ROBO1: variants seen among roughly 807,000 people sequenced by gnomAD.
ROBO1 encodes roundabout homolog 1.
In ROBO1, 149 loss-of-function variants were observed where a neutral mutation model predicts 195.9. The observed-to-expected ratio is 0.76, with a 90% CI of 0.67 to 0.87. The LOEUF (loss-of-function observed/expected upper bound fraction) is 0.87. Ranked by LOEUF, ROBO1 falls within the 40% of genes least tolerant of loss-of-function variation. The probability of loss-of-function intolerance (pLI) is 0.00; values close to 1 mark genes in which losing one functional copy is unlikely to be tolerated. For missense variants in ROBO1, 1,933 were observed against 2,068.3 expected, an observed-to-expected ratio of 0.93 and a Z score of 1.27; for synonymous variants, 816 against 733.2, an observed-to-expected ratio of 1.11 and a Z score of -1.82.
chr3:79,686,840 C>G (rs1191787149), intron 1 of ROBO1, among the ~76,000 whole-genome samples: 1 of 152,162 alleles, frequency 6.6e-6, no homozygotes, highest in Non-Finnish European at 1.5e-5. Context: ...CTACCAATAA[C>G]TTTCTTCACA....
chr3:79,251,659 G>A (rs2082732121), intron 2 of ROBO1, among the ~76,000 whole-genome samples: 1 of 152,106 alleles, frequency 6.6e-6, no homozygotes, highest in Non-Finnish European at 1.5e-5. Context: ...GCTGAGGCAG[G>A]AGAATCCCTT....
chr3:79,621,246 G>T (rs10865577), intron 1 of ROBO1, among the ~76,000 whole-genome samples: 86,749 of 151,884 alleles, frequency 0.57, 26,241 homozygotes, highest in East Asian at 0.89. Context: ...TGTGAGCCCT[G>T]CCCCTGCCCA....
chr3:79,074,509 C>G (rs2079139280), intron 3 of ROBO1, among the ~76,000 whole-genome samples: 1 of 151,754 alleles, frequency 6.6e-6, no homozygotes, highest in Admixed American at 6.6e-5. Context: ...GCCTTGACCT[C>G]CTGGGCTTAA....
At chr3:79,684,828 G>A (rs1309359773) in intron 1 of ROBO1, among the ~76,000 whole-genome samples, 1 of 151,750 alleles carries the variant, frequency 6.6e-6, no homozygotes, top group Non-Finnish European at 1.5e-5. Context: ...GGTGCACGCT[G>A]CCACACCAGG....
intron 3 of ROBO1, among the ~76,000 whole-genome samples, chr3:79,084,589 CA>C (rs1421051664): frequency 6.6e-6 from 1 of 152,152 alleles, no homozygotes; most frequent in Non-Finnish European, 1.5e-5. Context: ...GGAATTTCCT[CA>C]AATGCTTTTT....
At chr3:79,366,066 C>T (rs751670650) in intron 2 of ROBO1, among the ~76,000 whole-genome samples, 4 of 151,986 alleles carry the variant, frequency 2.6e-5, no homozygotes, top group Non-Finnish European at 4.4e-5. Context: ...ATGCTGACTC[C>T]AGAGTCAGGC....
intron 2 of ROBO1, among the ~76,000 whole-genome samples, chr3:79,472,978 A>T (rs920210986): frequency 1.3e-5 from 2 of 152,214 alleles, no homozygotes; most frequent in Admixed American, 1.3e-4. Flanking sequence ...GTGAGAGTGG[A>T]TGTGGGAGAG....
At chr3:78,976,069 TC>T (rs2076878560) in intron 3 of ROBO1, among the ~76,000 whole-genome samples, 1 of 152,210 alleles carries the variant, frequency 6.6e-6, no homozygotes. Flanking sequence ...CAGAATTGGT[TC>T]TTCATTCTAT....
intron 3 of ROBO1, among the ~76,000 whole-genome samples, chr3:79,087,899 T>A (rs558126587): frequency 2.0e-5 from 3 of 152,254 alleles, no homozygotes; most frequent in African/African-American, 7.2e-5. Context: ...AAAGACTTGT[T>A]AATTAAGTGG....
chr3:79,607,278 T>C lies in ROBO1; in HGVS notation c.-50-17317A>G, dbSNP rs148701383. ...AACTTTTATCTTTGTGAATAAATTA[T>C]ATAAAAATAATCTATTCATAATATA... On this transcript the variant is annotated intron_variant, in intron 1 of 30. Transcript: ENST00000464233. Among the ~76,000 whole-genome samples the C allele has an allele frequency of 5.3e-3, 798 of 151,488 alleles. 11 individuals are homozygous for C. Among genetic ancestry groups the C allele is most frequent in the African/African-American group, 0.019 (776 of 41,472 alleles).
intron 2 of ROBO1, among the ~76,000 whole-genome samples, chr3:79,373,473 A>G (rs1422938574): frequency 6.6e-6 from 1 of 152,184 alleles, no homozygotes; most frequent in East Asian, 1.9e-4. Flanking sequence ...AACACTTCAC[A>G]AATGTTTCTC....
rs561884974 is a variant in ROBO1 at position 78,742,532 on chromosome 3, C to T, written c.657+4211G>A. On this transcript the variant is annotated intron_variant, in intron 5 of 30. Transcript: ENST00000464233. ...CTACATAAGATCAGTGATTTTGAAC[C>T]CAAACTGCTGATTTTTAATGTATTC... Among the ~76,000 whole-genome samples, 25 of 152,028 alleles carry T rather than the reference C, an allele frequency of 1.6e-4. 1 individual carries two copies. Among genetic ancestry groups the T allele is most frequent in the African/African-American group, 5.8e-4 (24 of 41,458 alleles).
intron 2 of ROBO1, among the ~76,000 whole-genome samples, chr3:79,428,569 T>C (rs546051919): frequency 1.0e-3 from 157 of 152,284 alleles, no homozygotes; most frequent in Middle Eastern, 6.8e-3. Flanking sequence ...TAAAACAATG[T>C]ACCAGTTTCT....
At chr3:79,555,614 T>C (rs563636827) in intron 2 of ROBO1, among the ~76,000 whole-genome samples, 22 of 152,286 alleles carry the variant, frequency 1.4e-4, no homozygotes, top group Admixed American at 1.4e-3. Context: ...TGCATTTTCA[T>C]AGGTGCGTGG....
intron 4 of ROBO1, among the ~76,000 whole-genome samples, chr3:78,852,888 T>A (rs561143957): frequency 6.6e-6 from 1 of 152,146 alleles, no homozygotes; most frequent in South Asian, 2.1e-4. Flanking sequence ...TGTGAGCTAT[T>A]TGGCCAACAG....
At chr3:79,354,386 C>T (rs1314248565) in intron 2 of ROBO1, among the ~76,000 whole-genome samples, 1 of 152,150 alleles carries the variant, frequency 6.6e-6, no homozygotes, top group South Asian at 2.1e-4. Flanking sequence ...CCTCCTGATT[C>T]TTCTGCTTCT....
intron 3 of ROBO1, among the ~76,000 whole-genome samples, chr3:78,962,681 C>A (rs958730657): frequency 2.0e-5 from 3 of 151,866 alleles, no homozygotes; most frequent in African/African-American, 7.3e-5. Flanking sequence ...AAAAATTAGC[C>A]AGGCGTGGTG....
chr3:79,379,102 TTACACATGTACAC>T (rs149412496), intron 2 of ROBO1, among the ~76,000 whole-genome samples: 11,443 of 152,220 alleles, frequency 0.075, 591 homozygotes, highest in Non-Finnish European at 0.11. Flanking sequence ...TAGTGGAACA[TTACACATGTACAC>T]TACACATGTA....
At chr3:79,411,119 A>G (rs1344573778) in intron 2 of ROBO1, among the ~76,000 whole-genome samples, 1 of 152,144 alleles carries the variant, frequency 6.6e-6, no homozygotes, top group Non-Finnish European at 1.5e-5. Context: ...TAGGACTTCT[A>G]AAGTTCTACT....
Sources: allele counts gnomAD v4.1 joint callset (sites outside exome capture counted in the v4.1 genomes callset), GRCh38; gene constraint gnomAD v4.1.1; transcripts MANE v1.5; gene names NCBI Gene and HGNC (gene_info 2026-07-23, HGNC 2026-07-21).